Variants in PGM5 observed in about 807,000 individuals in gnomAD.
PGM5 encodes the protein phosphoglucomutase 5, also known as phosphoglucomutase-like protein 5.
A neutral mutation model predicts 59.2 loss-of-function variants in PGM5; 23 were observed. That is an observed-to-expected ratio of 0.39 (90% CI 0.28 to 0.55). PGM5 has a LOEUF of 0.55. Among genes scored for constraint, PGM5 ranks in the 20% least tolerant of loss-of-function variants. The probability of loss-of-function intolerance (pLI) is 0.66; values close to 1 mark genes in which losing one functional copy is unlikely to be tolerated. For missense variants in PGM5, 574 were observed against 748.3 expected (o/e 0.77, Z 2.72); for synonymous variants, 214 against 286.0 (o/e 0.75, Z 2.54).
chr9:68,516,872 T>G (rs1824832196), intron 10 of PGM5, among the ~76,000 whole-genome samples: 1 of 151,938 alleles, frequency 6.6e-6, no homozygotes, highest in Admixed American at 6.6e-5. Flanking sequence ...TTTGTTTTGT[T>G]TTTTGTTTTT....
At chr9:68,434,498 G>A (rs1823413187) in intron 6 of PGM5, among the ~76,000 whole-genome samples, 1 of 152,042 alleles carries the variant, frequency 6.6e-6, no homozygotes. Flanking sequence ...CCAAAGGTGT[G>A]AAACCTGGTG....
At chr9:68,425,946 G>A (rs940128323) in intron 6 of PGM5, among the ~76,000 whole-genome samples, 4 of 152,088 alleles carry the variant, frequency 2.6e-5, no homozygotes, top group African/African-American at 4.8e-5. Flanking sequence ...AAAAAAGAGC[G>A]ATACTTTCTG....
chr9:68,370,647 A>G (rs1821672528), intron 1 of PGM5, among the ~76,000 whole-genome samples: 1 of 152,240 alleles, frequency 6.6e-6, no homozygotes, highest in Non-Finnish European at 1.5e-5. Flanking sequence ...TTATAGAATG[A>G]CATTTTATCT....
chr9:68,392,536 T>G, intron 6 of PGM5, 63 bp downstream of exon 6: 1 of 1,591,280 alleles, frequency 6.3e-7, no homozygotes, highest in Non-Finnish European at 8.6e-7. Context: ...GTCTCCTTTG[T>G]TGGTTGCTGG....
intron 6 of PGM5, chr9:68,396,491 G>T (rs1234188832): frequency 6.6e-6 from 1 of 152,288 alleles, no homozygotes; most frequent in African/African-American, 2.4e-5. Context: ...TTTCCCAGTA[G>T]TTCTTGATTT....
chr9:68,392,132 G>A (rs1431019625), intron 5 of PGM5, among the ~76,000 whole-genome samples, 187 bp from the exon 6 acceptor site: 2 of 152,100 alleles, frequency 1.3e-5, no homozygotes, highest in Non-Finnish European at 2.9e-5. Flanking sequence ...CATATTCCTG[G>A]TGTGTCAAGA....
chr9:68,401,982 G>A (rs1377501176), intron 6 of PGM5, among the ~76,000 whole-genome samples: 2 of 151,090 alleles, frequency 1.3e-5, no homozygotes, highest in Non-Finnish European at 2.9e-5. Context: ...ATGAATTTTG[G>A]CTGGGCGCGG....
At chr9:68,521,673 A>G (rs760183180) in intron 10 of PGM5, among the ~76,000 whole-genome samples, 2 of 152,208 alleles carry the variant, frequency 1.3e-5, no homozygotes, top group Non-Finnish European at 1.5e-5. Flanking sequence ...ATCTGAACCA[A>G]TTAGTAATTC....
At chr9:68,434,195 T>C (rs1823402912) in intron 6 of PGM5, among the ~76,000 whole-genome samples, 1 of 151,166 alleles carries the variant, frequency 6.6e-6, no homozygotes, top group Non-Finnish European at 1.5e-5. Context: ...TGGGTGCCTG[T>C]AACCCGAGCT....
At chr9:68,459,346 A>G (rs1823824255) in intron 6 of PGM5, among the ~76,000 whole-genome samples, 1 of 152,200 alleles carries the variant, frequency 6.6e-6, no homozygotes, top group African/African-American at 2.4e-5. Flanking sequence ...CTTGTTCCCC[A>G]TTCTGATCAT....
At chr9:68,487,280 G>A (rs1824310759) in intron 9 of PGM5, among the ~76,000 whole-genome samples, 1 of 152,112 alleles carries the variant, frequency 6.6e-6, no homozygotes, top group Non-Finnish European at 1.5e-5. Context: ...TATCACACAT[G>A]CATCATGGGG....
chr9:68,513,665 A>G (rs1392220585), intron 10 of PGM5, among the ~76,000 whole-genome samples: 1 of 152,226 alleles, frequency 6.6e-6, no homozygotes, highest in Non-Finnish European at 1.5e-5. Flanking sequence ...CCCAGTCTCC[A>G]AGGAACCTCA....
chr9:68,506,869 A>G (rs1376827775), intron 10 of PGM5, among the ~76,000 whole-genome samples: 1 of 152,208 alleles, frequency 6.6e-6, no homozygotes, highest in East Asian at 1.9e-4. Flanking sequence ...TATATGATTT[A>G]AAGAGCTAAA....
intron 6 of PGM5, among the ~76,000 whole-genome samples, chr9:68,432,654 G>A (rs1301912956): frequency 1.1e-4 from 16 of 151,752 alleles, no homozygotes; most frequent in African/African-American, 3.9e-4. Flanking sequence ...TACCCAGGCT[G>A]GAGGGCAGTG....
At chr9:68,426,336 T>C (rs1250316131) in intron 6 of PGM5, among the ~76,000 whole-genome samples, 13 of 152,038 alleles carry the variant, frequency 8.6e-5, no homozygotes, top group Admixed American at 7.2e-4. Context: ...GTGAGGAAAA[T>C]ATATAAAAGA....
intron 7 of PGM5, among the ~76,000 whole-genome samples, chr9:68,468,375 G>A (rs991527670): frequency 2.0e-5 from 3 of 152,098 alleles, no homozygotes; most frequent in African/African-American, 7.2e-5. Flanking sequence ...TCTAGCAACT[G>A]GAATGAAAAC....
chr9:68,512,302 T>C (rs1824762236), intron 10 of PGM5, among the ~76,000 whole-genome samples: 1 of 152,186 alleles, frequency 6.6e-6, no homozygotes, highest in African/African-American at 2.4e-5. Context: ...GAAAAACTGG[T>C]CCCTTGGAGC....
intron 1 of PGM5, among the ~76,000 whole-genome samples, chr9:68,361,418 T>A (rs1211282630): frequency 1.3e-5 from 2 of 152,290 alleles, no homozygotes; most frequent in Non-Finnish European, 2.9e-5. Context: ...ACTCTGTTTT[T>A]TCCTGGTTAA....
At chr9:68,396,223 C>A (rs1554679965) in intron 6 of PGM5, 1 of 152,044 alleles carries the variant, frequency 6.6e-6, no homozygotes. Flanking sequence ...GATGTTGAAC[C>A]AATGATCAGA....
Sources: gnomAD v4.1 joint callset for allele counts (sites outside exome capture counted in the v4.1 genomes callset) on GRCh38, gnomAD v4.1.1 for gene constraint, MANE v1.5 for transcripts, NCBI Gene and HGNC (gene_info 2026-07-23, HGNC 2026-07-21) for gene names.